ZNF438: variants seen among roughly 807,000 people sequenced by gnomAD.
ZNF438 encodes the protein zinc finger protein 438.
ZNF438 carries 25 observed loss-of-function variants against 38.0 expected under a neutral mutation model. That is an observed-to-expected ratio of 0.66 (90% CI 0.48 to 0.92). The LOEUF (loss-of-function observed/expected upper bound fraction) is 0.92. ZNF438 is among the 40% of genes least tolerant of loss of function. The pLI is 0.00. For synonymous variants in ZNF438, 372 were observed against 364.1 expected, an observed-to-expected ratio of 1.02 and a Z score of -0.25; for missense variants, 1,007 against 999.6, an observed-to-expected ratio of 1.01 and a Z score of -0.10.
chr10:30,980,723 C>G (rs150313188), intron 1 of ZNF438, among the ~76,000 whole-genome samples: 244 of 152,120 alleles, frequency 1.6e-3, no homozygotes, highest in Middle Eastern at 0.01. Flanking sequence ...CATATGAGAT[C>G]GTGTGGAAAA....
At chr10:30,962,951 C>T (rs955741806) in intron 1 of ZNF438, among the ~76,000 whole-genome samples, 1 of 152,206 alleles carries the variant, frequency 6.6e-6, no homozygotes, top group East Asian at 1.9e-4. Flanking sequence ...AGATGTTTGA[C>T]TCTAAAATGC....
chr10:30,901,914 T>A (rs1193187970), intron 3 of ZNF438, among the ~76,000 whole-genome samples: 26 of 152,256 alleles, frequency 1.7e-4, no homozygotes, highest in Non-Finnish European at 5.9e-5. Context: ...AGCTACAGAC[T>A]TTCGCTGTGA....
chr10:30,850,166 T>C (rs1371287164), exon 5 of ZNF438: 1 of 1,614,144 alleles, frequency 6.2e-7, no homozygotes, highest in East Asian at 2.2e-5. Context: ...CATCAGGGCA[T>C]AGTTCTGGGT....
At chr10:30,887,374 A>T (rs2040085858) in intron 3 of ZNF438, among the ~76,000 whole-genome samples, 1 of 152,000 alleles carries the variant, frequency 6.6e-6, no homozygotes, top group African/African-American at 2.4e-5. Flanking sequence ...ACTGTAAGTA[A>T]TAAACTCTTT....
At chr10:30,870,806 T>C (rs1448091840) in intron 4 of ZNF438, among the ~76,000 whole-genome samples, 1 of 152,170 alleles carries the variant, frequency 6.6e-6, no homozygotes, top group African/African-American at 2.4e-5. Context: ...CCTTCTAGAA[T>C]ATAAACACTA....
intron 1 of ZNF438, among the ~76,000 whole-genome samples, chr10:31,023,153 T>C (rs1161644830): frequency 1.3e-5 from 2 of 152,208 alleles, no homozygotes; most frequent in Non-Finnish European, 2.9e-5. Context: ...ATATATGTAA[T>C]ATAATCACTA....
At chr10:30,993,268 A>G (rs1191727738) in intron 1 of ZNF438, among the ~76,000 whole-genome samples, 1 of 152,216 alleles carries the variant, frequency 6.6e-6, no homozygotes, top group Non-Finnish European at 1.5e-5. Context: ...TCCTCCCATC[A>G]GAGGCCCAGA....
At chr10:30,912,587 G>A (rs555336633) in intron 2 of ZNF438, among the ~76,000 whole-genome samples, 10 of 152,072 alleles carry the variant, frequency 6.6e-5, no homozygotes, top group Admixed American at 1.3e-4. Context: ...CTACATATCT[G>A]TAGGTCCATA....
At chr10:30,882,284 A>G (rs993157729) in intron 3 of ZNF438, among the ~76,000 whole-genome samples, 17 of 152,232 alleles carry the variant, frequency 1.1e-4, no homozygotes, top group African/African-American at 4.1e-4. Context: ...GCAAATAAGA[A>G]CATAAGAAGA....
intron 2 of ZNF438, among the ~76,000 whole-genome samples, chr10:30,934,159 G>GAAAAAAAAA (rs34603319): frequency 6.9e-6 from 1 of 144,450 alleles, no homozygotes; most frequent in Non-Finnish European, 1.5e-5. Context: ...AAAAGAAAAA[G>GAAAAAAAAA]AAAAAAAAAA....
chr10:30,852,822 C>T (rs1039679632), intron 4 of ZNF438, among the ~76,000 whole-genome samples: 5 of 152,144 alleles, frequency 3.3e-5, no homozygotes, highest in African/African-American at 9.7e-5. Flanking sequence ...CCGTGAATTC[C>T]GCTTATGGGT....
At chr10:30,848,425 A>C in intron 5 of ZNF438, 106 bp downstream of exon 6, 1 of 1,332,062 alleles carries the variant, frequency 7.5e-7, no homozygotes. Context: ...TGAAATCTTA[A>C]TCCTAGAGAT....
intron 1 of ZNF438, among the ~76,000 whole-genome samples, chr10:31,019,408 G>C (rs1589746262): frequency 2.0e-5 from 3 of 152,262 alleles, no homozygotes; most frequent in African/African-American, 7.2e-5. Flanking sequence ...TTGCAACCTT[G>C]GGATGACGAA....
chr10:30,902,767 G>A (rs970881531), intron 3 of ZNF438, among the ~76,000 whole-genome samples: 7 of 152,172 alleles, frequency 4.6e-5, no homozygotes, highest in East Asian at 1.9e-4. Flanking sequence ...ATCTCCCACC[G>A]GGCCGCAGGT....
At chr10:30,878,260 G>A (rs903482044) in intron 3 of ZNF438, among the ~76,000 whole-genome samples, 11 of 152,106 alleles carry the variant, frequency 7.2e-5, no homozygotes, top group African/African-American at 2.4e-4. Context: ...GGCTTGCCCT[G>A]CACCCCCATT....
At chr10:30,938,774 A>G (rs2135462169) in intron 2 of ZNF438, among the ~76,000 whole-genome samples, 1 of 133,486 alleles carries the variant, frequency 7.5e-6, no homozygotes, top group South Asian at 2.4e-4. Context: ...CCAGGGAAGC[A>G]AACTTTATTT....
chr10:30,922,636 C>T (rs1355861245), intron 2 of ZNF438, among the ~76,000 whole-genome samples: 1 of 152,054 alleles, frequency 6.6e-6, no homozygotes, highest in African/African-American at 2.4e-5. Flanking sequence ...GAGTTTGGGA[C>T]CAGCCTGGAC....
At position 30,880,813 on chromosome 10, in the gene ZNF438, G is replaced by A. The variant is rs1049628940; in HGVS notation, c.-31-3748C>T. ...GTCATGACCAAGTAGAGATATCCAG[G>A]AATACACAACTGGTTTAACATTCAA... On this transcript the variant is annotated intron_variant, in intron 3 of 5. Coordinates refer to ENST00000413025, the Ensembl canonical transcript of ZNF438. 3.9e-5 allele frequency among the ~76,000 whole-genome samples: 6 copies of A among 152,008 alleles called. No individual in the cohort carries two copies. The South Asian group carries it at 1.0e-3, about 26-fold the overall frequency.
chr10:30,909,474 C>G (rs1050026906), intron 2 of ZNF438, among the ~76,000 whole-genome samples: 5 of 152,042 alleles, frequency 3.3e-5, no homozygotes, highest in Non-Finnish European at 5.9e-5. Context: ...GAGATTTTAC[C>G]TTCTAAAATA....
Sources: gnomAD v4.1 joint callset for allele counts (sites outside exome capture counted in the v4.1 genomes callset) on GRCh38, gnomAD v4.1.1 for gene constraint, MANE v1.5 for transcripts, NCBI Gene and HGNC (gene_info 2026-07-23, HGNC 2026-07-21) for gene names.